The following GOLM1 variants were observed in gnomAD, a reference collection of about 807,000 sequenced individuals.
The protein encoded by GOLM1 is golgi membrane protein 1, also known as epididymis luminal protein 46.
In GOLM1, 31 loss-of-function variants were observed where a neutral mutation model predicts 50.5. The observed-to-expected ratio is 0.61, with a 90% CI of 0.46 to 0.83. The LOEUF (loss-of-function observed/expected upper bound fraction) is 0.83. Ranked by LOEUF, GOLM1 falls within the 40% of genes least tolerant of loss-of-function variation. The pLI is 0.00. For synonymous variants in GOLM1, 178 were observed against 192.8 expected, an observed-to-expected ratio of 0.92 and a Z score of 0.64; for missense variants, 491 against 501.3, an observed-to-expected ratio of 0.98 and a Z score of 0.20.
chr9:86,072,019 A>G (rs1475793575), intron 3 of GOLM1, among the ~76,000 whole-genome samples: 1 of 152,230 alleles, frequency 6.6e-6, no homozygotes, highest in Non-Finnish European at 1.5e-5. Context: ...TCAAATCAAT[A>G]AAGACCTCAA....
intron 7 of GOLM1, 69 bp downstream of exon 7, chr9:86,036,279 C>A (rs1833141826): frequency 6.5e-7 from 1 of 1,528,682 alleles, no homozygotes; most frequent in African/African-American, 1.4e-5. Flanking sequence ...CTCAGCAGCT[C>A]GCTGGGACTG....
chr9:86,096,566 A>C (rs1182966896), intron 1 of GOLM1, among the ~76,000 whole-genome samples: 1 of 152,226 alleles, frequency 6.6e-6, no homozygotes, highest in Non-Finnish European at 1.5e-5. Context: ...ATGCAAACAC[A>C]GGACAGCAAA....
chr9:86,087,526 A>G (rs1486215183), intron 1 of GOLM1, among the ~76,000 whole-genome samples: 3 of 152,208 alleles, frequency 2.0e-5, no homozygotes, highest in Non-Finnish European at 4.4e-5. Flanking sequence ...GGCAGTTTTC[A>G]AAGGGAATGC....
At chr9:86,085,452 TG>T (rs1413132140) in intron 1 of GOLM1, among the ~76,000 whole-genome samples, 2 of 103,266 alleles carry the variant, frequency 1.9e-5, no homozygotes, top group African/African-American at 1.3e-4. Context: ...CCAAAGTTTT[TG>T]TTTTTTTTTT....
chr9:86,028,319 A>T (rs1389601131), intron 9 of GOLM1, among the ~76,000 whole-genome samples: 1 of 152,234 alleles, frequency 6.6e-6, no homozygotes, highest in Non-Finnish European at 1.5e-5. Flanking sequence ...GAACACATCG[A>T]AAGACGCTGG....
At chr9:86,030,094 C>G (rs1832923019) in intron 9 of GOLM1, among the ~76,000 whole-genome samples, 1 of 151,740 alleles carries the variant, frequency 6.6e-6, no homozygotes, top group African/African-American at 2.4e-5. Flanking sequence ...GCCTGTAATC[C>G]CAGCTCCCAG....
chr9:86,036,356 A>G lies in GOLM1; in HGVS notation c.749T>C (p.Val250Ala), dbSNP rs35017454. ...TGCTGGGCTCTGCTTACCTTTCTCA[A>G]CTTGTCTCTTTGAATCCAAAACCAC... ...SEVVLDSKRQVEKEETNEIQV... is the reference protein window; with the variant it reads ...SEVVLDSKRQAEKEETNEIQV... The change falls in exon 7 of 10, where the codon GTT (valine) becomes GCT (alanine). Residue 250 changes from valine to alanine, a missense_variant. Coordinates refer to ENST00000388712, the MANE Select transcript of GOLM1 (RefSeq NM_016548.4). 7.4e-4 allele frequency: 1,202 copies of G among 1,614,156 alleles called. 8 individuals carry two copies. Among genetic ancestry groups the G allele is most frequent in the African/African-American group, 4.6e-3 (342 of 75,042 alleles).
intron 3 of GOLM1, among the ~76,000 whole-genome samples, chr9:86,061,557 T>A (rs1213788346): frequency 1.3e-5 from 2 of 151,780 alleles, no homozygotes; most frequent in Admixed American, 6.6e-5. Context: ...ATGGGAGAGA[T>A]TTTCTTGAAG....
At chr9:86,090,193 G>T (rs1023987016) in intron 1 of GOLM1, among the ~76,000 whole-genome samples, 1 of 152,164 alleles carries the variant, frequency 6.6e-6, no homozygotes, top group African/African-American at 2.4e-5. Flanking sequence ...CCCCTGCTAG[G>T]AGGTGTCTTC....
At chr9:86,098,584 T>C (rs1018601111) in intron 1 of GOLM1, among the ~76,000 whole-genome samples, 6 of 152,270 alleles carry the variant, frequency 3.9e-5, no homozygotes, top group African/African-American at 1.2e-4. Context: ...AATCTGGCTA[T>C]GGGACATCTG....
At chr9:86,060,713 T>C (rs905402377) in intron 3 of GOLM1, among the ~76,000 whole-genome samples, 4 of 151,192 alleles carry the variant, frequency 2.6e-5, no homozygotes, top group African/African-American at 9.7e-5. Flanking sequence ...GCCCCGTCTC[T>C]ACTAAAAATA....
At chr9:86,050,346 G>A (rs1317660724) in intron 4 of GOLM1, among the ~76,000 whole-genome samples, 1 of 152,142 alleles carries the variant, frequency 6.6e-6, no homozygotes, top group Non-Finnish European at 1.5e-5. Context: ...TTGTGTCTCT[G>A]CCAGGCTTTG....
chr9:86,067,429 A>C (rs1184968818), intron 3 of GOLM1, among the ~76,000 whole-genome samples: 1 of 152,246 alleles, frequency 6.6e-6, no homozygotes, highest in African/African-American at 2.4e-5. Flanking sequence ...GTAAAAAAGA[A>C]AACAGTATTT....
intron 2 of GOLM1, among the ~76,000 whole-genome samples, chr9:86,078,815 C>T (rs570787889): frequency 3.3e-4 from 51 of 152,356 alleles, no homozygotes; most frequent in African/African-American, 1.2e-3. Context: ...TCCAAGCACA[C>T]TTCCAATACT....
chr9:86,079,298 C>T lies in GOLM1; in HGVS notation c.23G>A (p.Arg8His), dbSNP rs769873040. MMGLGNG[R>H]RSMKSPPLVL... ...GAGGGGCGGCGACTTCATGCTGCGACGCCCGTTTCCCAAGCCCATCATCTC... is the reference window on the plus strand; with the variant it reads ...GAGGGGCGGCGACTTCATGCTGCGATGCCCGTTTCCCAAGCCCATCATCTC... The change falls in exon 2 of 10, where the codon CGT becomes CAT. Residue 8 changes from arginine (R) to histidine (H), a missense_variant. By Grantham distance (29) the Arg-to-His change is conservative (BLOSUM62 0). Coordinates refer to ENST00000388712, the MANE Select transcript of GOLM1 (RefSeq NM_016548.4). 35 of 1,600,880 alleles carry T rather than the reference C, an allele frequency of 2.2e-5. No individual in the cohort carries two copies. Among genetic ancestry groups the T allele is most frequent in the Middle Eastern group, 1.7e-4 (1 of 6,002 alleles).
chr9:86,028,755 G>A (rs537230124), intron 9 of GOLM1, among the ~76,000 whole-genome samples: 4 of 151,922 alleles, frequency 2.6e-5, no homozygotes, highest in South Asian at 2.1e-4. Context: ...CTGTCCGTCC[G>A]CATGCTTCCC....
intron 7 of GOLM1, 43 bp from the exon 8 acceptor site, chr9:86,035,668 AT>A (rs1014990934): frequency 1.9e-5 from 15 of 784,056 alleles, no homozygotes; most frequent in South Asian, 4.0e-5. Context: ...CCAGCATTTG[AT>A]TTAAAAAAAA....
intron 3 of GOLM1, among the ~76,000 whole-genome samples, chr9:86,052,969 CCACACCAAACCACACCACGA>C (rs905078836): frequency 2.2e-4 from 33 of 151,464 alleles, no homozygotes; most frequent in Admixed American, 3.3e-4. Flanking sequence ...ACACAGCACT[CCACACCAAACCACACCACGA>C]CACACCAAAC....
At chr9:86,098,482 C>A (rs770568441) in intron 1 of GOLM1, among the ~76,000 whole-genome samples, 1 of 152,154 alleles carries the variant, frequency 6.6e-6, no homozygotes, top group African/African-American at 2.4e-5. Context: ...TAGAAATGTT[C>A]CTCAATAATG....
Sources: gnomAD v4.1 joint callset for allele counts (sites outside exome capture counted in the v4.1 genomes callset) on GRCh38, gnomAD v4.1.1 for gene constraint, MANE v1.5 for transcripts, NCBI Gene and HGNC (gene_info 2026-07-23, HGNC 2026-07-21) for gene names.